The following ANO3 variants were observed in gnomAD, a reference collection of about 807,000 sequenced individuals.
ANO3 encodes anoctamin 3.
ANO3 carries 99 observed loss-of-function variants against 144.8 expected under a neutral mutation model. The ratio of observed to expected loss-of-function variants is 0.68; its 90% CI spans 0.58 to 0.81. The LOEUF (loss-of-function observed/expected upper bound fraction) is 0.81. Among genes scored for constraint, ANO3 ranks in the 30% least tolerant of loss-of-function variants. The pLI is 0.00. For synonymous variants in ANO3, 414 were observed against 392.6 expected, an observed-to-expected ratio of 1.05 and a Z score of -0.64; for missense variants, 905 against 1,202.2, an observed-to-expected ratio of 0.75 and a Z score of 3.66.
chr11:26,324,384 C>A (rs1854834238), intron 1 of ANO3, among the ~76,000 whole-genome samples: 2 of 152,162 alleles, frequency 1.3e-5, no homozygotes, highest in African/African-American at 4.8e-5. Context: ...GCCAGATGTA[C>A]CCCAAAATAC....
intron 1 of ANO3, among the ~76,000 whole-genome samples, chr11:26,318,594 G>T (rs935034719): frequency 7.9e-5 from 12 of 152,208 alleles, no homozygotes; most frequent in African/African-American, 1.4e-4. Context: ...ATAATTAAGT[G>T]CTAAATTATT....
intron 18 of ANO3, among the ~76,000 whole-genome samples, chr11:26,628,717 T>C (rs1000289553): frequency 1.3e-5 from 2 of 152,222 alleles, no homozygotes; most frequent in Non-Finnish European, 2.9e-5. Context: ...AACAACTTAT[T>C]ATTTTTAATG....
intron 1 of ANO3, among the ~76,000 whole-genome samples, chr11:26,374,066 G>T (rs1856336840): frequency 6.6e-6 from 1 of 152,174 alleles, no homozygotes; most frequent in South Asian, 2.1e-4. Context: ...GATCCTAAGA[G>T]ACATTACATG....
chr11:26,448,637 A>T (rs1021885369), intron 3 of ANO3, among the ~76,000 whole-genome samples: 4 of 152,216 alleles, frequency 2.6e-5, no homozygotes, highest in South Asian at 2.1e-4. Context: ...GAAGCATTTT[A>T]TATGAAGATG....
chr11:26,354,527 A>G (rs1753974228), intron 1 of ANO3, among the ~76,000 whole-genome samples: 1 of 152,182 alleles, frequency 6.6e-6, no homozygotes, highest in African/African-American at 2.4e-5. Flanking sequence ...CAAATAAACA[A>G]AAACCTTCCA....
upstream of ANO3, among the ~76,000 whole-genome samples, chr11:26,305,411 C>T (rs1229348359): frequency 6.6e-6 from 1 of 151,904 alleles, no homozygotes; most frequent in African/African-American, 2.4e-5. Flanking sequence ...GATATTGGCA[C>T]CCAGATCTGT....
chr11:26,261,979 G>A lies in ANO3; in HGVS notation c.155-47666G>A, dbSNP rs181283615. 3.3e-5 allele frequency among the ~76,000 whole-genome samples: 5 copies of A among 152,292 alleles called. No homozygotes were observed. In the East Asian group the frequency reaches 7.7e-4, roughly 24 times the overall value. Reference sequence around the variant, plus strand: ...TCAGTGCTAACAGGTTTTTGAGGCTGTGTAACTTTAAGTAAAATGTTCAAA... The same window carrying A: ...TCAGTGCTAACAGGTTTTTGAGGCTATGTAACTTTAAGTAAAATGTTCAAA... On this transcript the variant is annotated intron_variant, in intron 1 of 27. Coordinates refer to the ANO3 transcript ENST00000672621.
chr11:26,373,628 T>G (rs547752359), intron 1 of ANO3, among the ~76,000 whole-genome samples: 1 of 152,334 alleles, frequency 6.6e-6, no homozygotes, highest in East Asian at 1.9e-4. Flanking sequence ...TACTTCTTAC[T>G]TTTGTGATCC....
intron 4 of ANO3, among the ~76,000 whole-genome samples, chr11:26,486,741 G>A (rs1438081449): frequency 6.6e-6 from 1 of 152,116 alleles, no homozygotes; most frequent in Non-Finnish European, 1.5e-5. Flanking sequence ...TTAAAGGAAT[G>A]AAATAAAATA....
chr11:26,356,758 G>C (rs142350323), intron 1 of ANO3, among the ~76,000 whole-genome samples: 126 of 152,198 alleles, frequency 8.3e-4, no homozygotes, highest in Non-Finnish European at 1.4e-3. Context: ...GTTCTTTCTG[G>C]AGGCTCTAAG....
chr11:26,629,344 A>G (rs1286943545), intron 18 of ANO3, among the ~76,000 whole-genome samples: 2 of 152,034 alleles, frequency 1.3e-5, no homozygotes, highest in African/African-American at 2.4e-5. Flanking sequence ...TCACTCTACA[A>G]TGTTCCTTTA....
chr11:26,335,906 A>T (rs1239681182), intron 1 of ANO3, among the ~76,000 whole-genome samples: 1 of 152,176 alleles, frequency 6.6e-6, no homozygotes, highest in Non-Finnish European at 1.5e-5. Context: ...ATAGTTTTGA[A>T]TTTTACTCCA....
chr11:26,348,889 G>A (rs1443042582), intron 1 of ANO3, among the ~76,000 whole-genome samples: 2 of 152,220 alleles, frequency 1.3e-5, no homozygotes, highest in Non-Finnish European at 2.9e-5. Context: ...ATACAGTCAT[G>A]TGGGAAAGAA....
chr11:26,317,174 G>C (rs1333081895), intron 1 of ANO3, among the ~76,000 whole-genome samples: 1 of 151,998 alleles, frequency 6.6e-6, no homozygotes, highest in African/African-American at 2.4e-5. Flanking sequence ...CAGAGGGACA[G>C]GTAAAAAATT....
chr11:26,422,431 G>A (rs1363997427), intron 1 of ANO3, among the ~76,000 whole-genome samples: 2 of 152,012 alleles, frequency 1.3e-5, no homozygotes, highest in African/African-American at 4.8e-5. Flanking sequence ...GTAATTACAT[G>A]TCTTGGACCT....
At chr11:26,311,816 C>T (rs1854507160) in intron 1 of ANO3, among the ~76,000 whole-genome samples, 2 of 151,968 alleles carry the variant, frequency 1.3e-5, no homozygotes, top group South Asian at 2.1e-4. Flanking sequence ...TCCATATTTC[C>T]CTCTTAACTG....
intron 1 of ANO3, among the ~76,000 whole-genome samples, chr11:26,200,881 A>G (rs1851680434): frequency 6.6e-6 from 1 of 152,130 alleles, no homozygotes; most frequent in African/African-American, 2.4e-5. Context: ...TTCAAAACAT[A>G]TTTACCTCTG....
intron 4 of ANO3, among the ~76,000 whole-genome samples, chr11:26,499,414 T>A (rs1861098463): frequency 6.6e-6 from 1 of 151,770 alleles, no homozygotes; most frequent in East Asian, 1.9e-4. Flanking sequence ...ATTCTAAAAA[T>A]TATTTTTTAA....
intron 1 of ANO3, among the ~76,000 whole-genome samples, chr11:26,347,670 G>T (rs1002386966): frequency 6.6e-6 from 1 of 152,166 alleles, no homozygotes; most frequent in African/African-American, 2.4e-5. Context: ...TTAAGGACAG[G>T]GTGGTAAATT....
Sources: gnomAD v4.1 joint callset for allele counts (sites outside exome capture counted in the v4.1 genomes callset) on GRCh38, gnomAD v4.1.1 for gene constraint, MANE v1.5 for transcripts, NCBI Gene and HGNC (gene_info 2026-07-23, HGNC 2026-07-21) for gene names.